HELLS: variants seen among roughly 807,000 people sequenced by gnomAD.
The protein encoded by HELLS is lymphoid-specific helicase.
A neutral mutation model predicts 120.0 loss-of-function variants in HELLS; 32 were observed. That is an observed-to-expected ratio of 0.27 (90% CI 0.20 to 0.36). The LOEUF is 0.36. Among genes scored for constraint, HELLS ranks in the 10% least tolerant of loss-of-function variants. The pLI, the probability that HELLS is intolerant of heterozygous loss-of-function variation, is 1.00. For synonymous variants in HELLS, 341 were observed against 323.4 expected, an observed-to-expected ratio of 1.05 and a Z score of -0.58; for missense variants, 650 against 993.4, an observed-to-expected ratio of 0.65 and a Z score of 4.65.
chr10:94,578,718 A>G (rs1176691113), intron 10 of HELLS, among the ~76,000 whole-genome samples: 3 of 152,180 alleles, frequency 2.0e-5, no homozygotes, highest in African/African-American at 4.8e-5. Context: ...ACAACTCAAC[A>G]TAACGTAGAA....
exon 10 of HELLS, chr10:94,610,579 T>C (rs949032130): frequency 6.9e-6 from 1 of 145,418 alleles, no homozygotes; most frequent in Non-Finnish European, 1.5e-5. Context: ...GGAACATTGA[T>C]CAGATAATAG....
At chr10:94,605,351 G>C (rs1188472420), downstream of HELLS, among the ~76,000 whole-genome samples, 15 of 152,012 alleles carry the variant, frequency 9.9e-5, no homozygotes, top group Non-Finnish European at 5.9e-5. Flanking sequence ...CCAAAGTGTT[G>C]GTACTACAGG....
chr10:94,590,797 A>T, intron 15 of HELLS, 21 bp downstream of exon 15: 1 of 1,340,964 alleles, frequency 7.5e-7, no homozygotes, highest in Non-Finnish European at 1.0e-6. Flanking sequence ...TTTAATTCTA[A>T]TTTACTGTTT....
At chr10:94,557,671 TGA>T (rs1437026351) in intron 3 of HELLS, among the ~76,000 whole-genome samples, 2 of 152,216 alleles carry the variant, frequency 1.3e-5, no homozygotes, top group African/African-American at 2.4e-5. Context: ...GTACTCAGCC[TGA>T]GAGAGAGATA....
At position 94,574,639 on chromosome 10, in the gene HELLS, T is replaced by C. The variant is rs1844342005; in HGVS notation, c.791T>C (p.Leu264Ser). 6.2e-7 allele frequency: 1 copy of C among 1,613,586 alleles called. No individual in the cohort carries two copies. Among genetic ancestry groups the C allele is most frequent in the African/African-American group, 1.3e-5 (1 of 75,050 alleles). The change falls in exon 9 of 22, where the codon TTG becomes TCG. Residue 264 changes from leucine to serine, a missense_variant. Coordinates refer to ENST00000348459, the MANE Select transcript of HELLS (RefSeq NM_018063.5). ...GTTCAGTGCATTGCTACTATTGCAT[T>C]GATGATTCAGAGAGGAGTACCAGGA... The part of the protein sequence containing the change: ...KTVQCIATIA[L>S]MIQRGVPGPF...
intron 6 of HELLS, among the ~76,000 whole-genome samples, chr10:94,568,378 CT>C (rs1283929835): frequency 6.6e-6 from 1 of 151,998 alleles, no homozygotes; most frequent in East Asian, 1.9e-4. Flanking sequence ...TTTGTTTTCT[CT>C]TTTTTTGGTG....
At chr10:94,599,085 C>T (rs945815016) in intron 21 of HELLS, among the ~76,000 whole-genome samples, 1 of 151,970 alleles carries the variant, frequency 6.6e-6, no homozygotes, top group East Asian at 1.9e-4. Flanking sequence ...TGTACTTTCT[C>T]TAGTTTTGTT....
chr10:94,597,118 A>T lies in HELLS; in HGVS notation c.2422+7A>T, dbSNP rs1443901471. The T allele has an allele frequency of 2.0e-6, 3 of 1,531,202 alleles. No homozygotes were observed. The highest frequency in any genetic ancestry group is 1.8e-6 in the Non-Finnish European group (2 of 1,110,460). The allele number at this position is 1,531,202 out of a possible 1,614,324, so 94.9% of individuals were successfully genotyped here. ...GATCGAAGTGATCTTATTGGTAAGT[A>T]TTATGCTTTTTTTTAATGGAAGCTT... On this transcript the variant is annotated splice_region_variant and intron_variant, in intron 21 of 21. Transcript: ENST00000348459.
At chr10:94,607,520 A>G (rs1409648) in intron 8 of HELLS, among the ~76,000 whole-genome samples, 151,684 of 152,304 alleles carry the variant, frequency 1, 75,536 homozygotes, top group East Asian at 1. Context: ...ACTAGGCCTT[A>G]TCTTTGAGAA....
chr10:94,550,266 T>G (rs1238127618), intron 2 of HELLS, among the ~76,000 whole-genome samples: 1 of 151,022 alleles, frequency 6.6e-6, no homozygotes, highest in African/African-American at 2.4e-5. Flanking sequence ...CAGGCAAGTA[T>G]TTAGGTTTTT....
At chr10:94,575,771 TTGTGTGTGTGTGTGTGTGTGTGTGTG>T (rs71031588) in intron 9 of HELLS, among the ~76,000 whole-genome samples, 1 of 122,772 alleles carries the variant, frequency 8.1e-6, no homozygotes, top group African/African-American at 3.1e-5. Context: ...GGGGTTGTGT[TTGTGTGTGTGTGTGTGTGTGTGTGTG>T]TGTGTGTGTG....
chr10:94,604,081 C>T (rs2134142589), downstream of HELLS, among the ~76,000 whole-genome samples: 1 of 150,494 alleles, frequency 6.6e-6, no homozygotes, highest in Non-Finnish European at 1.5e-5. Context: ...CCGCCTTGGC[C>T]TCCCAAAGTG....
intron 6 of HELLS, 77 bp from the exon 7 acceptor site, chr10:94,571,311 G>T (rs1018793251): frequency 8.4e-7 from 1 of 1,194,896 alleles, no homozygotes; most frequent in Non-Finnish European, 1.2e-6. Flanking sequence ...AATGAGCACA[G>T]AATAAATGCT....
intron 4 of HELLS, among the ~76,000 whole-genome samples, chr10:94,560,560 G>C (rs1843500463): frequency 6.6e-6 from 1 of 151,984 alleles, no homozygotes; most frequent in Admixed American, 6.6e-5. Flanking sequence ...GCTGGGCGTG[G>C]TGGTGTGTGC....
downstream of HELLS, among the ~76,000 whole-genome samples, chr10:94,602,721 G>C (rs886508487): frequency 8.6e-5 from 13 of 151,972 alleles, no homozygotes; most frequent in Admixed American, 2.6e-4. Context: ...TAATCGTTTT[G>C]AGGTACAGGT....
At position 94,590,455 on chromosome 10, in the gene HELLS, C is replaced by A. The variant is rs761345851; in HGVS notation, c.1531C>A (p.Arg511=). 30 of 1,610,808 alleles carry A rather than the reference C, an allele frequency of 1.9e-5. No homozygotes were observed. The highest frequency in any genetic ancestry group is 2.5e-5 in the Non-Finnish European group (29 of 1,179,350). The change falls in exon 14 of 22, where the codon CGA becomes AGA. Residue 511 remains arginine (R), a synonymous_variant. Coordinates refer to ENST00000348459, the MANE Select transcript of HELLS (RefSeq NM_018063.5). ...AAGTCCTACTGGTCGACCAAAACGA[C>A]GAACTAGAAAATCAATAAATTACAG... ...ELSPTGRPKR[R]TRKSINYSKI... is the part of the protein sequence containing the mutation.
intron 12 of HELLS, among the ~76,000 whole-genome samples, chr10:94,585,295 A>C (rs913296095): frequency 5.3e-5 from 8 of 151,450 alleles, no homozygotes; most frequent in African/African-American, 1.9e-4. Flanking sequence ...TAAGAAGTAA[A>C]AATTTCTGTT....
chr10:94,599,184 A>G (rs1219058168), intron 21 of HELLS, among the ~76,000 whole-genome samples: 1 of 152,206 alleles, frequency 6.6e-6, no homozygotes, highest in Non-Finnish European at 1.5e-5. Context: ...AATATGAGAC[A>G]TACAGCATCA....
At chr10:94,568,253 A>T (rs1158059540) in intron 6 of HELLS, among the ~76,000 whole-genome samples, 1 of 148,634 alleles carries the variant, frequency 6.7e-6, no homozygotes, top group East Asian at 2.0e-4. Flanking sequence ...ATTTCCTTAC[A>T]CATTATGCAG....
Sources: gnomAD v4.1 joint callset for allele counts (sites outside exome capture counted in the v4.1 genomes callset) on GRCh38, gnomAD v4.1.1 for gene constraint, MANE v1.5 for transcripts, NCBI Gene and HGNC (gene_info 2026-07-23, HGNC 2026-07-21) for gene names.